AEBP2: variants seen among roughly 807,000 people sequenced by gnomAD.
AEBP2 encodes zinc finger protein AEBP2.
In AEBP2, 10 loss-of-function variants were observed where a neutral mutation model predicts 50.8. The ratio of observed to expected loss-of-function variants is 0.20; its 90% confidence interval spans 0.12 to 0.33. The LOEUF is 0.33. Among genes scored for constraint, AEBP2 ranks in the 10% least tolerant of loss-of-function variants. The pLI is 1.00. For missense variants in AEBP2, 570 were observed against 688.0 expected, an observed-to-expected ratio of 0.83 and a Z score of 1.92; for synonymous variants, 296 against 261.3, an observed-to-expected ratio of 1.13 and a Z score of -1.28.
Position 19,407,748 on chromosome 12 carries a change from G to T in AEBP2, c.-17+3532G>T, listed in dbSNP as rs534567457. Among the ~76,000 whole-genome samples, 5 of 152,004 alleles carry T rather than the reference G, an allele frequency of 3.3e-5. No individual in the cohort carries two copies. The South Asian group carries it at 1.1e-3, about 32-fold the overall frequency. On this transcript the variant is annotated intron_variant, in intron 1 of 3. Coordinates refer to the AEBP2 transcript ENST00000538425. ...GCCACTGAGCCCAGCCGAGCCTATT[G>T]CTTAAAAAAGTTAAAAATGGCTGGA...
chr12:19,448,868 T>TG (rs777284731), intron 1 of AEBP2, among the ~76,000 whole-genome samples: 17 of 152,140 alleles, frequency 1.1e-4, no homozygotes, highest in South Asian at 2.1e-4. Flanking sequence ...TTTGTAGAGA[T>TG]GGGGTCTCCG....
Position 19,500,134 on chromosome 12 carries a change from T to G in AEBP2, c.1212T>G (p.Asp404Glu). ...ATTTCTTCGATGCACAAACACTGGA[T>G]GCGATAAGACATCGAGCCATATGCT... ...PHDFFDAQTL[D>E]AIRHRAICFN... Residue 404 changes from aspartate to glutamate, a missense_variant, in exon 5 of 8, where the codon GAT (aspartate) becomes GAG (glutamate). Transcript: ENST00000266508. 6.2e-7 allele frequency: 1 copy of G among 1,607,310 alleles called. No individual in the cohort carries two copies. Among genetic ancestry groups the G allele is most frequent in the Non-Finnish European group, 8.5e-7 (1 of 1,176,838 alleles).
intron 3 of AEBP2, among the ~76,000 whole-genome samples, chr12:19,492,578 TAAAA>T (rs900728019): frequency 2.6e-5 from 4 of 151,664 alleles, no homozygotes; most frequent in South Asian, 2.1e-4. Context: ...AAAATATAAA[TAAAA>T]AAACAAAATA....
intron 5 of AEBP2, chr12:19,509,319 CT>C: frequency 4.8e-6 from 1 of 209,364 alleles, no homozygotes. Flanking sequence ...ACTATGAATG[CT>C]TTTGGTTGGC....
At chr12:19,447,985 G>A (rs73337334) in intron 1 of AEBP2, among the ~76,000 whole-genome samples, 2,463 of 152,298 alleles carry the variant, frequency 0.016, 70 homozygotes, top group African/African-American at 0.055. Flanking sequence ...ATATTGCCGT[G>A]TGTGGCTTTG....
At chr12:19,518,001 T>A in intron 7 of AEBP2, 86 bp from the exon 8 acceptor site, 1 of 1,232,648 alleles carries the variant, frequency 8.1e-7, no homozygotes, top group Non-Finnish European at 1.1e-6. Context: ...ATTGCCTGTA[T>A]CTTATTAATA....
At position 19,520,531 on chromosome 12, in the gene AEBP2, A is replaced by G. The variant is rs1002751297; in HGVS notation, c.*2414A>G. 1 of 152,214 alleles carries G rather than the reference A, an allele frequency of 6.6e-6. No individual in the cohort carries two copies. Among genetic ancestry groups the G allele is most frequent in the Non-Finnish European group, 1.5e-5 (1 of 68,032 alleles). 9.4% of individuals were successfully genotyped at this position (152,214 alleles called of 1,614,324 possible). On this transcript the variant is annotated 3_prime_UTR_variant, in exon 8 of 8. Coordinates refer to ENST00000266508, the MANE Select transcript of AEBP2 (RefSeq NM_153207.5). ...CATAACATCCAATTATGACTGGGTA[A>G]TAAGTGTGAAAATTTTAATTTGTGG...
At chr12:19,494,306 A>G (rs1308331312) in intron 4 of AEBP2, among the ~76,000 whole-genome samples, 1 of 152,146 alleles carries the variant, frequency 6.6e-6, no homozygotes, top group Non-Finnish European at 1.5e-5. Flanking sequence ...AAAAGTAAAT[A>G]TCAAGTGAAA....
At chr12:19,486,547 C>A (rs554955565) in intron 3 of AEBP2, among the ~76,000 whole-genome samples, 3 of 152,034 alleles carry the variant, frequency 2.0e-5, no homozygotes, top group African/African-American at 7.2e-5. Context: ...TGTGCTACCA[C>A]GTCCAGCTAA....
At chr12:19,454,122 C>G (rs946338721) in intron 1 of AEBP2, among the ~76,000 whole-genome samples, 8 of 152,130 alleles carry the variant, frequency 5.3e-5, no homozygotes, top group Non-Finnish European at 7.3e-5. Flanking sequence ...AACTCCTGAG[C>G]TCAAGCCGTT....
chr12:19,521,795 C>T lies in AEBP2; in HGVS notation c.*3678C>T, dbSNP rs1182342045. 1 of 151,778 alleles carries T rather than the reference C, an allele frequency of 6.6e-6. No individual in the cohort carries two copies. Among genetic ancestry groups the T allele is most frequent in the East Asian group, 1.9e-4 (1 of 5,192 alleles). 9.4% of individuals were successfully genotyped at this position (151,778 alleles called of 1,614,324 possible). A position where few individuals can be genotyped will look rare whatever the true frequency, so the allele number is the denominator to read the frequency against. On this transcript the variant is annotated 3_prime_UTR_variant, in exon 8 of 8. Transcript: ENST00000266508. The stretch of plus-strand genomic sequence containing the variant: ...GTTGTTTAAAGCATTTTTATTTTTT[C>T]TTTGAATTCTTAATTCATGGTGAAC...
chr12:19,484,441 C>T (rs1313212801), intron 3 of AEBP2, among the ~76,000 whole-genome samples: 1 of 151,088 alleles, frequency 6.6e-6, no homozygotes, highest in Admixed American at 6.6e-5. Context: ...GTGGTGTGAT[C>T]TCGGTTCACT....
Position 19,432,150 on chromosome 12 carries a change from A to T in AEBP2, c.-17+27934A>T, listed in dbSNP as rs537302754. On this transcript the variant is annotated intron_variant, in intron 1 of 3. Transcript: ENST00000538425. The stretch of plus-strand genomic sequence containing the variant: ...GAGAGAATTAGAGAAGCCCTACAAG[A>T]AAGACTTAGTCATTGAATGGAGAGT... Among the ~76,000 whole-genome samples the T allele has an allele frequency of 1.6e-3, 251 of 152,292 alleles. 2 individuals carry two copies. The highest frequency in any genetic ancestry group is 5.1e-3 in the African/African-American group (211 of 41,572).
At chr12:19,444,380 T>G (rs1948020715) in intron 1 of AEBP2, among the ~76,000 whole-genome samples, 1 of 152,224 alleles carries the variant, frequency 6.6e-6, no homozygotes, top group African/African-American at 2.4e-5. Context: ...ATTTTAATAT[T>G]TAAAATGCCC....
At chr12:19,454,284 C>T (rs1340935415) in intron 1 of AEBP2, among the ~76,000 whole-genome samples, 2 of 152,160 alleles carry the variant, frequency 1.3e-5, no homozygotes, top group Admixed American at 6.6e-5. Context: ...TTTTCACTTC[C>T]TGTCACAAAT....
intron 1 of AEBP2, among the ~76,000 whole-genome samples, chr12:19,443,949 A>G (rs1948011809): frequency 6.6e-6 from 1 of 152,182 alleles, no homozygotes; most frequent in Non-Finnish European, 1.5e-5. Flanking sequence ...TGAAATTTAT[A>G]TGTAATTTTA....
chr12:19,406,675 C>CT (rs2095736471), intron 1 of AEBP2, among the ~76,000 whole-genome samples: 1 of 150,412 alleles, frequency 6.6e-6, no homozygotes, highest in Non-Finnish European at 1.5e-5. Context: ...GAGCGAAACT[C>CT]TGTCTCAAAA....
At chr12:19,476,714 A>G (rs902838138) in intron 3 of AEBP2, among the ~76,000 whole-genome samples, 27 of 152,296 alleles carry the variant, frequency 1.8e-4, no homozygotes, top group African/African-American at 5.8e-4. Flanking sequence ...TTTGGTAAGC[A>G]TAGCCTTGCA....
At chr12:19,486,502 A>G (rs556780987) in intron 3 of AEBP2, among the ~76,000 whole-genome samples, 11 of 151,954 alleles carry the variant, frequency 7.2e-5, no homozygotes, top group Non-Finnish European at 7.4e-5. Context: ...GGTGTTACTC[A>G]TACTACAGTC....
Sources: gnomAD v4.1 joint callset for allele counts (sites outside exome capture counted in the v4.1 genomes callset) on GRCh38, gnomAD v4.1.1 for gene constraint, MANE v1.5 for transcripts, NCBI Gene and HGNC (gene_info 2026-07-23, HGNC 2026-07-21) for gene names.